The following ELF1 variants were observed in gnomAD, a reference collection of about 807,000 sequenced individuals.
ELF1 encodes the protein E74 like ETS transcription factor 1.
ELF1 carries 24 observed loss-of-function variants against 59.9 expected under a neutral mutation model. The ratio of observed to expected loss-of-function variants is 0.40; its 90% CI spans 0.29 to 0.56. The LOEUF is 0.56. Ranked by LOEUF, ELF1 falls within the 20% of genes least tolerant of loss-of-function variation. The probability of loss-of-function intolerance (pLI) is 0.44; values close to 1 mark genes in which losing one functional copy is unlikely to be tolerated. For synonymous variants in ELF1, 248 were observed against 266.2 expected, an observed-to-expected ratio of 0.93 and a Z score of 0.67; for missense variants, 627 against 742.2, an observed-to-expected ratio of 0.84 and a Z score of 1.80.
chr13:40,965,624 GA>G (rs917756699), intron 2 of ELF1, among the ~76,000 whole-genome samples: 28 of 139,696 alleles, frequency 2.0e-4, no homozygotes, highest in Non-Finnish European at 2.7e-4. Context: ...TCATCTCAAA[GA>G]AAAAAAAAAA....
At chr13:41,050,380 C>G (rs1423519129) in intron 1 of ELF1, among the ~76,000 whole-genome samples, 5 of 152,112 alleles carry the variant, frequency 3.3e-5, no homozygotes, top group African/African-American at 1.2e-4. Context: ...ATGTACACAC[C>G]ACACTTTAAC....
intron 1 of ELF1, among the ~76,000 whole-genome samples, chr13:41,011,496 T>C (rs577105327): frequency 8.4e-4 from 127 of 152,058 alleles, no homozygotes; most frequent in Middle Eastern, 3.4e-3. Flanking sequence ...CAGGTTGGAG[T>C]ATAGTGGCAC....
At chr13:41,038,894 T>C (rs537720906) in intron 1 of ELF1, among the ~76,000 whole-genome samples, 1 of 149,966 alleles carries the variant, frequency 6.7e-6, no homozygotes, top group African/African-American at 2.5e-5. Flanking sequence ...TAGACACCTG[T>C]AATCCCAGCT....
intron 1 of ELF1, among the ~76,000 whole-genome samples, chr13:40,991,578 G>A (rs1466230224): frequency 2.0e-5 from 3 of 151,974 alleles, no homozygotes; most frequent in Admixed American, 6.5e-5. Context: ...TGCCTGGCCC[G>A]TTACCACCTT....
intron 1 of ELF1, among the ~76,000 whole-genome samples, chr13:41,047,135 G>A (rs892669637): frequency 2.6e-5 from 4 of 152,164 alleles, no homozygotes; most frequent in Non-Finnish European, 5.9e-5. Flanking sequence ...CCATCAGGTC[G>A]TTTAAGGACT....
intron 1 of ELF1, among the ~76,000 whole-genome samples, chr13:41,052,869 T>A (rs369943959): frequency 6.6e-6 from 1 of 152,260 alleles, no homozygotes; most frequent in African/African-American, 2.4e-5. Flanking sequence ...ACTTTCATCA[T>A]AGTCTACTTC....
intron 8 of ELF1, among the ~76,000 whole-genome samples, chr13:40,939,381 G>A (rs1869990245): frequency 6.6e-6 from 1 of 152,056 alleles, no homozygotes; most frequent in East Asian, 1.9e-4. Context: ...TTCAAAGCTA[G>A]AGTTTTTTGT....
intron 8 of ELF1, among the ~76,000 whole-genome samples, chr13:40,935,436 T>C (rs186962473): frequency 1.3e-5 from 2 of 152,154 alleles, no homozygotes; most frequent in East Asian, 3.9e-4. Flanking sequence ...AGAAATAAAA[T>C]AGTGGAGGAG....
chr13:41,016,018 G>A (rs558361412), intron 1 of ELF1, among the ~76,000 whole-genome samples: 6 of 152,172 alleles, frequency 3.9e-5, no homozygotes, highest in African/African-American at 1.2e-4. Flanking sequence ...GCTATTCAAC[G>A]TTCAGCATTC....
At chr13:41,029,458 C>A (rs1301180981) in intron 1 of ELF1, among the ~76,000 whole-genome samples, 2 of 152,074 alleles carry the variant, frequency 1.3e-5, no homozygotes, top group Non-Finnish European at 2.9e-5. Context: ...GTGGCCTGAT[C>A]ACAGCCTCAA....
At chr13:40,999,164 A>C (rs1874275531) in intron 1 of ELF1, among the ~76,000 whole-genome samples, 1 of 152,236 alleles carries the variant, frequency 6.6e-6, no homozygotes. Context: ...TGGAAAATAT[A>C]AAGATAATGC....
chr13:41,060,914 T>TGCCGCTGCCGCTGCCGCCGCCGCCGCC, exon 1 of ELF1: 1 of 335,536 alleles, frequency 3.0e-6, no homozygotes, highest in African/African-American at 2.3e-5. Context: ...AAGCTGCTGC[T>TGCCGCTGCCGCTGCCGCCGCCGCCGCC]GCCGCCGCCG....
intron 3 of ELF1, among the ~76,000 whole-genome samples, chr13:40,958,352 CA>C (rs1272200180): frequency 1.3e-5 from 2 of 152,140 alleles, no homozygotes; most frequent in African/African-American, 2.4e-5. Flanking sequence ...TCTTTCCCTA[CA>C]AAACAACTCA....
At chr13:41,011,888 T>C (rs1270944489) in intron 1 of ELF1, among the ~76,000 whole-genome samples, 2 of 148,552 alleles carry the variant, frequency 1.3e-5, no homozygotes, top group African/African-American at 5.3e-5. Context: ...TCAGTGCCCC[T>C]GGCTCTGATG....
At chr13:40,985,409 C>T (rs557347369) in intron 1 of ELF1, among the ~76,000 whole-genome samples, 6 of 152,272 alleles carry the variant, frequency 3.9e-5, no homozygotes, top group Non-Finnish European at 7.4e-5. Context: ...CAAGTTCTCA[C>T]GGTCTACAAG....
At chr13:40,967,570 C>G (rs988902947) in intron 2 of ELF1, among the ~76,000 whole-genome samples, 5 of 152,114 alleles carry the variant, frequency 3.3e-5, no homozygotes, top group African/African-American at 1.2e-4. Flanking sequence ...TGACTTACTA[C>G]AATCTCACAT....
intron 2 of ELF1, among the ~76,000 whole-genome samples, chr13:40,978,083 C>A (rs1406690095): frequency 6.6e-6 from 1 of 151,980 alleles, no homozygotes; most frequent in Non-Finnish European, 1.5e-5. Context: ...ATGAAAGATA[C>A]TAGAAGAAAA....
exon 1 of ELF1, chr13:41,060,923 C>CGCCGCCGCCGCA (rs1566205443): frequency 1.2e-5 from 3 of 259,132 alleles, no homozygotes; most frequent in Non-Finnish European, 2.6e-5. Flanking sequence ...CTGCCGCCGC[C>CGCCGCCGCCGCA]GCCGCCGCCG....
intron 3 of ELF1, among the ~76,000 whole-genome samples, chr13:40,955,775 G>A (rs1248515050): frequency 8.0e-5 from 6 of 74,972 alleles, no homozygotes; most frequent in African/African-American, 3.6e-4. Context: ...AGGGAGGCGG[G>A]GGGGTCAGCC....
Sources: gnomAD v4.1 joint callset for allele counts (sites outside exome capture counted in the v4.1 genomes callset) on GRCh38, gnomAD v4.1.1 for gene constraint, MANE v1.5 for transcripts, NCBI Gene and HGNC (gene_info 2026-07-23, HGNC 2026-07-21) for gene names.